Variants in NELL1 observed in about 807,000 individuals in gnomAD.
NELL1 encodes the protein neural EGFL like 1.
A neutral mutation model predicts 107.4 loss-of-function variants in NELL1; 76 were observed. The ratio of observed to expected loss-of-function variants is 0.71; its 90% CI spans 0.59 to 0.86. The LOEUF is 0.86. Ranked by LOEUF, NELL1 falls within the 40% of genes least tolerant of loss-of-function variation. The pLI is 0.00. For synonymous variants in NELL1, 353 were observed against 341.2 expected (o/e 1.03, Z -0.38); for missense variants, 1,024 against 1,005.5 (o/e 1.02, Z -0.25).
At chr11:21,031,846 C>T (rs957062955) in intron 12 of NELL1, among the ~76,000 whole-genome samples, 30 of 151,852 alleles carry the variant, frequency 2.0e-4, no homozygotes, top group African/African-American at 7.0e-4. Context: ...GTCAGGAGTG[C>T]GAGATCAGCC....
chr11:21,009,828 A>G (rs899419728), intron 12 of NELL1, among the ~76,000 whole-genome samples: 1 of 152,112 alleles, frequency 6.6e-6, no homozygotes, highest in Non-Finnish European at 1.5e-5. Flanking sequence ...GCGTGTGCTC[A>G]GAGGAAGGTT....
intron 2 of NELL1, among the ~76,000 whole-genome samples, chr11:20,692,931 G>A (rs2133868939): frequency 6.6e-6 from 1 of 152,282 alleles, no homozygotes; most frequent in East Asian, 1.9e-4. Flanking sequence ...AAGTCTCTTT[G>A]TGGGTCATTC....
intron 13 of NELL1, among the ~76,000 whole-genome samples, chr11:21,210,146 T>G (rs1347716267): frequency 6.6e-6 from 1 of 152,154 alleles, no homozygotes; most frequent in African/African-American, 2.4e-5. Flanking sequence ...TTCATGGACA[T>G]TTAGGTTGTT....
intron 15 of NELL1, among the ~76,000 whole-genome samples, chr11:21,463,937 G>C (rs908863463): frequency 3.9e-5 from 6 of 152,042 alleles, no homozygotes; most frequent in Non-Finnish European, 8.8e-5. Flanking sequence ...ACTGGGCTGG[G>C]ATGATTTAAG....
At chr11:21,322,850 C>T (rs1476117667) in intron 14 of NELL1, among the ~76,000 whole-genome samples, 1 of 152,046 alleles carries the variant, frequency 6.6e-6, no homozygotes, top group African/African-American at 2.4e-5. Context: ...GTGTTCATTC[C>T]TCCCTCTTTG....
At chr11:20,850,807 T>C (rs1298727721) in intron 4 of NELL1, among the ~76,000 whole-genome samples, 1 of 152,208 alleles carries the variant, frequency 6.6e-6, no homozygotes, top group African/African-American at 2.4e-5. Flanking sequence ...TATACATTTA[T>C]TGAGCCTCTA....
intron 15 of NELL1, among the ~76,000 whole-genome samples, chr11:21,532,116 G>T (rs1362852764): frequency 2.0e-5 from 3 of 152,162 alleles, no homozygotes; most frequent in Non-Finnish European, 4.4e-5. Context: ...TTTCCAGTGA[G>T]TTTCTGGAAT....
chr11:21,383,410 T>G (rs535160689), intron 15 of NELL1, among the ~76,000 whole-genome samples: 1 of 151,992 alleles, frequency 6.6e-6, no homozygotes, highest in South Asian at 2.1e-4. Flanking sequence ...TTAAAGAATA[T>G]CTTACTAAGA....
At chr11:21,524,900 T>C (rs1443879058) in intron 15 of NELL1, among the ~76,000 whole-genome samples, 2 of 152,148 alleles carry the variant, frequency 1.3e-5, no homozygotes, top group Non-Finnish European at 2.9e-5. Context: ...GAAGGAGTGC[T>C]GGGGAGGAAA....
At chr11:21,419,971 G>T (rs555069285) in intron 15 of NELL1, among the ~76,000 whole-genome samples, 195 of 151,610 alleles carry the variant, frequency 1.3e-3, no homozygotes, top group African/African-American at 4.6e-3. Flanking sequence ...TTTTTTTATT[G>T]CTTGCTGAGT....
At chr11:21,497,405 C>G (rs1200475478) in intron 15 of NELL1, among the ~76,000 whole-genome samples, 1 of 152,066 alleles carries the variant, frequency 6.6e-6, no homozygotes, top group Non-Finnish European at 1.5e-5. Flanking sequence ...AGGTCTTCAA[C>G]TTTTTACTAT....
chr11:21,013,856 G>A (rs1038185204), intron 12 of NELL1, among the ~76,000 whole-genome samples: 9 of 151,966 alleles, frequency 5.9e-5, no homozygotes, highest in South Asian at 4.1e-4. Context: ...GTTTCCTTAG[G>A]CTTTCCTTGC....
chr11:20,761,198 G>T (rs1186292806), intron 2 of NELL1, among the ~76,000 whole-genome samples: 1 of 152,164 alleles, frequency 6.6e-6, no homozygotes, highest in Admixed American at 6.5e-5. Flanking sequence ...CAATGGTAAG[G>T]TGCAGTTTAA....
chr11:21,569,978 T>C (rs1433827553), intron 17 of NELL1, among the ~76,000 whole-genome samples: 3 of 151,826 alleles, frequency 2.0e-5, no homozygotes, highest in Non-Finnish European at 4.4e-5. Flanking sequence ...ATGAAGAACA[T>C]TGTTTAAGAA....
chr11:20,904,187 A>G (rs950842386), intron 5 of NELL1, among the ~76,000 whole-genome samples: 5 of 152,026 alleles, frequency 3.3e-5, no homozygotes, highest in Non-Finnish European at 7.4e-5. Context: ...GTGCACATGT[A>G]CCCTAAAACT....
At chr11:21,373,332 G>A (rs1455036556) in intron 15 of NELL1, among the ~76,000 whole-genome samples, 1 of 152,034 alleles carries the variant, frequency 6.6e-6, no homozygotes, top group South Asian at 2.1e-4. Flanking sequence ...CATTAAATAA[G>A]TCTATTTGCC....
intron 12 of NELL1, among the ~76,000 whole-genome samples, chr11:21,068,165 A>G (rs371799081): frequency 9.3e-5 from 14 of 149,924 alleles, no homozygotes; most frequent in African/African-American, 3.2e-4. Context: ...CTTTGGATGT[A>G]TCCTAGACCC....
intron 15 of NELL1, among the ~76,000 whole-genome samples, chr11:21,429,511 T>C (rs1852915521): frequency 6.6e-6 from 1 of 152,210 alleles, no homozygotes; most frequent in African/African-American, 2.4e-5. Context: ...AATCCTGTCT[T>C]GGCTGTAAAC....
chr11:21,297,780 AG>A (rs1442246374), intron 14 of NELL1, among the ~76,000 whole-genome samples: 2 of 151,986 alleles, frequency 1.3e-5, no homozygotes, highest in African/African-American at 4.8e-5. Flanking sequence ...ATTGTAATGG[AG>A]GTATAAGCAG....
Sources: allele counts gnomAD v4.1 joint callset (sites outside exome capture counted in the v4.1 genomes callset), GRCh38; gene constraint gnomAD v4.1.1; transcripts MANE v1.5; gene names NCBI Gene and HGNC (gene_info 2026-07-23, HGNC 2026-07-21).